Variants in FRY observed in about 807,000 individuals in gnomAD.
The protein encoded by FRY is protein furry homolog.
A neutral mutation model predicts 348.4 loss-of-function variants in FRY; 128 were observed. That is an observed-to-expected ratio of 0.37 (90% CI 0.32 to 0.43). The LOEUF (loss-of-function observed/expected upper bound fraction) is 0.43. FRY is among the 20% of genes least tolerant of loss of function. The pLI is 1.00. For synonymous variants in FRY, 1,370 were observed against 1,374.7 expected (o/e 1.00, Z 0.08); for missense variants, 2,736 against 3,695.2 (o/e 0.74, Z 6.73).
Position 32,237,442 on chromosome 13 carries a change from A to G in FRY, c.5874A>G (p.Gln1958=), listed in dbSNP as rs1481409460. The G allele has an allele frequency of 1.2e-6, 2 of 1,613,984 alleles. No homozygotes were observed. The highest frequency in any genetic ancestry group is 1.3e-5 in the African/African-American group (1 of 74,908). The change falls in exon 44 of 61, where the codon CAA becomes CAG. Residue 1958 remains glutamine, a synonymous_variant. Transcript: ENST00000542859. The surrounding 1 kb of genome is among the most constrained non-coding windows in gnomAD (Gnocchi z 6.3). ...KLTASRKSTG[Q]LNMNPGTTSG... ...CAGCAAGCAGAAAGAGCACAGGACA[A>G]CTAAACATGAACCCGGGAACCACCA... is the stretch of plus-strand genomic sequence containing the variant.
At chr13:32,169,743 G>C (rs185494372) in intron 17 of FRY, among the ~76,000 whole-genome samples, 9 of 152,202 alleles carry the variant, frequency 5.9e-5, no homozygotes, top group Non-Finnish European at 1.2e-4. Flanking sequence ...TGTACATAGG[G>C]CATGTGATGA....
intron 35 of FRY, among the ~76,000 whole-genome samples, chr13:32,212,989 G>A (rs1390803676): frequency 6.6e-6 from 1 of 151,868 alleles, no homozygotes; most frequent in African/African-American, 2.4e-5. Flanking sequence ...TGAAGAGCAG[G>A]GAGACAAACC....
intron 31 of FRY, among the ~76,000 whole-genome samples, chr13:32,207,315 A>T (rs539647610): frequency 6.6e-6 from 1 of 152,262 alleles, no homozygotes; most frequent in East Asian, 1.9e-4. Context: ...CCATAAAACT[A>T]TTCTGAGTCT....
intron 33 of FRY, among the ~76,000 whole-genome samples, chr13:32,209,953 C>T (rs934661457): frequency 1.3e-5 from 2 of 152,164 alleles, no homozygotes; most frequent in Admixed American, 1.3e-4. Context: ...TTACTCTGAG[C>T]CTTGGGACGC....
At chr13:32,056,386 G>A (rs59285435) in intron 1 of FRY, among the ~76,000 whole-genome samples, 1,722 of 152,252 alleles carry the variant, frequency 0.011, 41 homozygotes, top group African/African-American at 0.04. Context: ...TATTTTCCTA[G>A]TGGCCCTCCT....
chr13:32,096,810 A>AAAG (rs1426620539), intron 2 of FRY, among the ~76,000 whole-genome samples: 1 of 151,116 alleles, frequency 6.6e-6, no homozygotes, highest in African/African-American at 2.4e-5. Context: ...CTCAAAAAAA[A>AAAG]AAAAAAAAAA....
At chr13:32,087,588 C>T (rs1875968638) in intron 2 of FRY, among the ~76,000 whole-genome samples, 1 of 152,188 alleles carries the variant, frequency 6.6e-6, no homozygotes, top group Non-Finnish European at 1.5e-5. Context: ...CCAGCTTCCT[C>T]TTGTGATTTT....
At chr13:32,145,441 G>T (rs1460180979) in intron 11 of FRY, among the ~76,000 whole-genome samples, 2 of 151,480 alleles carry the variant, frequency 1.3e-5, no homozygotes, top group Non-Finnish European at 2.9e-5. Context: ...TTGTTTGAAA[G>T]GATGGAGTGA....
In FRY at chr13:32,239,832, A is replaced by C. The variant is rs759574088; in HGVS notation, c.6638A>C (p.His2213Pro). Residue 2213 changes from histidine (H) to proline (P), a missense_variant, in exon 46 of 61, where the codon CAT (histidine) becomes CCT (proline). Coordinates refer to ENST00000542859, the MANE Select transcript of FRY (RefSeq NM_023037.3). The surrounding 1 kb of genome is among the most constrained non-coding windows in gnomAD (Gnocchi z 4.3). ...TWVNVVCRYL[H>P]EAYADITLNM... ...GTCAATGTGGTCTGTCGATACCTTC[A>C]TGAAGCATATGCTGACATTACCTTG... 3 of 1,614,158 alleles carry C rather than the reference A, an allele frequency of 1.9e-6. No homozygotes were observed. The Admixed American group carries it at 5.0e-5, about 27-fold the overall frequency.
At chr13:32,162,157 A>G (rs1881480668) in intron 17 of FRY, among the ~76,000 whole-genome samples, 1 of 152,204 alleles carries the variant, frequency 6.6e-6, no homozygotes, top group South Asian at 2.1e-4. Context: ...TTGTTGAGGC[A>G]TTTGGACTGA....
At chr13:32,101,541 C>T (rs1191349479) in intron 2 of FRY, among the ~76,000 whole-genome samples, 2 of 152,170 alleles carry the variant, frequency 1.3e-5, no homozygotes, top group African/African-American at 2.4e-5. Context: ...TGAAAATCCT[C>T]CATACTTTTT....
intron 17 of FRY, among the ~76,000 whole-genome samples, 161 bp from the exon 18 acceptor site, chr13:32,170,851 T>G (rs1264973097): frequency 6.7e-6 from 1 of 149,710 alleles, no homozygotes; most frequent in African/African-American, 2.5e-5. Flanking sequence ...TAGAAGTTTT[T>G]TAAAGGTATT....
intron 51 of FRY, among the ~76,000 whole-genome samples, chr13:32,259,137 A>T (rs1385645547): frequency 2.0e-5 from 3 of 152,144 alleles, no homozygotes; most frequent in African/African-American, 7.2e-5. Flanking sequence ...AACTGCTTTG[A>T]CTTTTCACTT....
Position 32,158,837 on chromosome 13 carries a change from G to A in FRY, c.1784+1432G>A, listed in dbSNP as rs191097590. Among the ~76,000 whole-genome samples, 6 of 151,098 alleles carry A rather than the reference G, an allele frequency of 4.0e-5. No individual in the cohort carries two copies. The East Asian group carries it at 1.2e-3, about 30-fold the overall frequency. ...GGAGGCTGAGGCAGGAGAATTGCTTGAACCCGGGAGGCAGAGATTGCAGTG... is the reference window on the plus strand; with the variant it reads ...GGAGGCTGAGGCAGGAGAATTGCTTAAACCCGGGAGGCAGAGATTGCAGTG... On this transcript the variant is annotated intron_variant, in intron 16 of 60. Coordinates refer to ENST00000542859, the MANE Select transcript of FRY (RefSeq NM_023037.3).
At chr13:32,190,813 C>G (rs891963013) in intron 28 of FRY, among the ~76,000 whole-genome samples, 3 of 152,144 alleles carry the variant, frequency 2.0e-5, no homozygotes, top group Non-Finnish European at 4.4e-5. Flanking sequence ...ATATTTGTGA[C>G]AACTGAAAGT....
chr13:32,074,038 TG>T (rs1386780249), intron 1 of FRY, among the ~76,000 whole-genome samples: 4 of 152,230 alleles, frequency 2.6e-5, no homozygotes, highest in Admixed American at 2.6e-4. Flanking sequence ...TCAGTGAAGT[TG>T]GGGGAAAAAT....
At chr13:32,243,682 A>T (rs2073996) in intron 46 of FRY, among the ~76,000 whole-genome samples, 104,879 of 152,166 alleles carry the variant, frequency 0.69, 36,838 homozygotes, top group African/African-American at 0.82. Context: ...AGGTGTTTTT[A>T]AATATTTCCT....
chr13:32,178,142 G>C, intron 20 of FRY, 35 bp from the exon 21 acceptor site: 1 of 1,612,552 alleles, frequency 6.2e-7, no homozygotes, highest in Non-Finnish European at 8.5e-7. Context: ...ACTTCAGTTC[G>C]GGTTTAACTT....
intron 2 of FRY, among the ~76,000 whole-genome samples, chr13:32,084,527 G>A (rs1045544561): frequency 6.6e-6 from 1 of 152,106 alleles, no homozygotes; most frequent in African/African-American, 2.4e-5. Context: ...AGCTTGGCTT[G>A]ATTTCTTCCC....
Sources: allele counts gnomAD v4.1 joint callset (sites outside exome capture counted in the v4.1 genomes callset), GRCh38; gene constraint gnomAD v4.1.1; non-coding constraint Gnocchi (gnomAD v3.1); transcripts MANE v1.5; gene names NCBI Gene and HGNC (gene_info 2026-07-23, HGNC 2026-07-21).